The following FBXL7 variants were observed in gnomAD, a reference collection of about 807,000 sequenced individuals.
The protein encoded by FBXL7 is F-box/LRR-repeat protein 7.
Under a neutral mutation model 38.3 loss-of-function variants are expected in FBXL7, and 12 were observed. The ratio of observed to expected loss-of-function variants is 0.31; its 90% CI spans 0.20 to 0.51. The LOEUF (loss-of-function observed/expected upper bound fraction) is 0.51. Among genes scored for constraint, FBXL7 ranks in the 20% least tolerant of loss-of-function variants. The pLI is 0.98. For synonymous variants in FBXL7, 297 were observed against 300.9 expected (o/e 0.99, Z 0.13); for missense variants, 567 against 676.4 (o/e 0.84, Z 1.79).
chr5:15,736,313 A>G (rs1735746294), intron 2 of FBXL7, among the ~76,000 whole-genome samples: 1 of 152,210 alleles, frequency 6.6e-6, no homozygotes, highest in African/African-American at 2.4e-5. Context: ...TAAATTTAAC[A>G]TATTCATTTC....
chr5:15,500,747 C>T, intron 1 of FBXL7, 34 bp downstream of exon 1: 1 of 1,599,994 alleles, frequency 6.3e-7, no homozygotes, highest in South Asian at 1.1e-5. Flanking sequence ...ACTCCCGGAT[C>T]GCGTCCCTCC....
chr5:15,927,893 C>T lies in FBXL7; in HGVS notation c.131C>T (p.Ser44Phe), dbSNP rs1461485289. ...TTTGTTCTCTGTCCTTTGCCAGACT[C>T]CGACCTGAGCATGCGCACACTGAGC... The part of the protein sequence containing the change: ...AQKNVATSED[S>F]DLSMRTLSTP... Residue 44 changes from serine (S) to phenylalanine (F), a missense_variant, in exon 3 of 4, where the codon TCC (serine) becomes TTC (phenylalanine). By Grantham distance (155) the Ser-to-Phe change is radical. Transcript: ENST00000504595. 1 of 1,519,312 alleles carries T rather than the reference C, an allele frequency of 6.6e-7. No individual in the cohort carries two copies. The highest frequency in any genetic ancestry group is 2.2e-5 in the Admixed American group (1 of 45,566). The allele number at this position is 1,519,312 out of a possible 1,614,324, so 94.1% of individuals were successfully genotyped here. A position where few individuals can be genotyped will look rare whatever the true frequency, so the allele number is the denominator to read the frequency against.
chr5:15,546,608 G>A (rs935740264), intron 1 of FBXL7, among the ~76,000 whole-genome samples: 3 of 152,104 alleles, frequency 2.0e-5, no homozygotes, highest in Non-Finnish European at 2.9e-5. Flanking sequence ...GCAGGCACCT[G>A]TAATTCCAGC....
chr5:15,907,692 G>A (rs1741388996), intron 2 of FBXL7, among the ~76,000 whole-genome samples: 1 of 64,138 alleles, frequency 1.6e-5, no homozygotes, highest in Non-Finnish European at 2.7e-5. Context: ...ATTGATTTTT[G>A]TATAAGGTGT....
intron 1 of FBXL7, among the ~76,000 whole-genome samples, chr5:15,527,703 A>T (rs1227435530): frequency 6.6e-6 from 1 of 152,184 alleles, no homozygotes; most frequent in African/African-American, 2.4e-5. Flanking sequence ...TATGGTTCAT[A>T]AGCTTTACTC....
intron 2 of FBXL7, among the ~76,000 whole-genome samples, chr5:15,658,470 A>G (rs1741950526): frequency 6.6e-6 from 1 of 152,112 alleles, no homozygotes; most frequent in African/African-American, 2.4e-5. Context: ...AGTTCTTGGG[A>G]GATCTGATGG....
At chr5:15,529,753 A>G (rs1737366376) in intron 1 of FBXL7, among the ~76,000 whole-genome samples, 1 of 152,136 alleles carries the variant, frequency 6.6e-6, no homozygotes, top group African/African-American at 2.4e-5. Flanking sequence ...TTATGTTTTT[A>G]TTGCCTTCCT....
chr5:15,792,886 CCAT>C (rs1167547637), intron 2 of FBXL7, among the ~76,000 whole-genome samples: 1 of 152,172 alleles, frequency 6.6e-6, no homozygotes, highest in African/African-American at 2.4e-5. Flanking sequence ...ACCCTATAGT[CCAT>C]CTTCTGCGGC....
chr5:15,745,906 T>G (rs1409968888), intron 2 of FBXL7, among the ~76,000 whole-genome samples: 1 of 152,182 alleles, frequency 6.6e-6, no homozygotes, highest in Non-Finnish European at 1.5e-5. Flanking sequence ...GTGGCTGCTG[T>G]GGAAGAGAGA....
rs149156897 is a variant in FBXL7, at chr5:15,577,756, C to A, written c.38-38227C>A. ...TGGATAAATATTTTGCAAATGTAGT[C>A]CATTGTATTTGTCTGCCACTGTCCG... On this transcript the variant is annotated intron_variant, in intron 1 of 3. Coordinates refer to ENST00000504595, the MANE Select transcript of FBXL7 (RefSeq NM_012304.5). 2.6e-5 allele frequency among the ~76,000 whole-genome samples: 4 copies of A among 152,166 alleles called. No individual in the cohort carries two copies. In the East Asian group the frequency reaches 7.7e-4, roughly 29 times the overall value.
intron 2 of FBXL7, among the ~76,000 whole-genome samples, chr5:15,709,818 A>G (rs1579396930): frequency 6.6e-6 from 1 of 152,168 alleles, no homozygotes; most frequent in Non-Finnish European, 1.5e-5. Context: ...CTGAGAGCCT[A>G]TTCTTACAGC....
chr5:15,677,140 G>T (rs1350017014), intron 2 of FBXL7, among the ~76,000 whole-genome samples: 3 of 152,184 alleles, frequency 2.0e-5, no homozygotes, highest in Non-Finnish European at 4.4e-5. Context: ...TCTTTTTGGG[G>T]TAGAGAAGTA....
At chr5:15,540,329 CTTG>C (rs1197828631) in intron 1 of FBXL7, among the ~76,000 whole-genome samples, 8 of 152,166 alleles carry the variant, frequency 5.3e-5, no homozygotes, top group Admixed American at 2.0e-4. Flanking sequence ...TGCAGGAAGA[CTTG>C]TTGTGAATTT....
intron 2 of FBXL7, among the ~76,000 whole-genome samples, chr5:15,753,605 T>C (rs558732368): frequency 6.6e-6 from 1 of 152,326 alleles, no homozygotes; most frequent in East Asian, 1.9e-4. Context: ...CATTGTATTG[T>C]TTTTCTCCTT....
At chr5:15,840,044 T>A (rs1337578320) in intron 2 of FBXL7, among the ~76,000 whole-genome samples, 1 of 152,264 alleles carries the variant, frequency 6.6e-6, no homozygotes, top group Admixed American at 6.5e-5. Flanking sequence ...TCTGTCTTTA[T>A]GTCCTTCTCT....
intron 2 of FBXL7, among the ~76,000 whole-genome samples, chr5:15,708,058 T>C (rs1406275493): frequency 6.6e-6 from 1 of 152,234 alleles, no homozygotes; most frequent in Non-Finnish European, 1.5e-5. Flanking sequence ...TTTGTATTTC[T>C]ATGCCAAACA....
chr5:15,844,321 CCTT>C (rs1225826517), intron 2 of FBXL7, among the ~76,000 whole-genome samples: 1 of 152,234 alleles, frequency 6.6e-6, no homozygotes, highest in Non-Finnish European at 1.5e-5. Context: ...GCAAGCCTCT[CCTT>C]CTTTCCAGAG....
chr5:15,906,606 G>A (rs1389497718), intron 2 of FBXL7, among the ~76,000 whole-genome samples: 21 of 136,616 alleles, frequency 1.5e-4, no homozygotes, highest in Non-Finnish European at 1.1e-4. Flanking sequence ...ATGCTGGTGC[G>A]CTGCACCCAC....
At chr5:15,925,761 A>T (rs1034425664) in intron 2 of FBXL7, among the ~76,000 whole-genome samples, 1 of 152,208 alleles carries the variant, frequency 6.6e-6, no homozygotes, top group Admixed American at 6.5e-5. Flanking sequence ...CTATGTGTGG[A>T]TATGTATGTG....
Sources: gnomAD v4.1 joint callset for allele counts (sites outside exome capture counted in the v4.1 genomes callset) on GRCh38, gnomAD v4.1.1 for gene constraint, MANE v1.5 for transcripts, NCBI Gene and HGNC (gene_info 2026-07-23, HGNC 2026-07-21) for gene names.